NUP210: variants seen among roughly 807,000 people sequenced by gnomAD.
The protein encoded by NUP210 is nucleoporin 210, also known as nuclear pore membrane glycoprotein 210.
A neutral mutation model predicts 196.0 loss-of-function variants in NUP210; 151 were observed. The ratio of observed to expected loss-of-function variants is 0.77; its 90% CI spans 0.67 to 0.88. NUP210 has a LOEUF of 0.88. NUP210 is among the 40% of genes least tolerant of loss of function. The probability of loss-of-function intolerance (pLI) is 0.00; values close to 1 mark genes in which losing one functional copy is unlikely to be tolerated. For missense variants in NUP210, 2,314 were observed against 2,493.7 expected (o/e 0.93, Z 1.53); for synonymous variants, 1,070 against 1,052.7 (o/e 1.02, Z -0.32).
At chr3:13,375,988 G>A (rs540160527) in intron 10 of NUP210, among the ~76,000 whole-genome samples, 4 of 152,316 alleles carry the variant, frequency 2.6e-5, no homozygotes, top group South Asian at 2.1e-4. Context: ...AGTCACTGTC[G>A]GTGCATGGGC....
intron 39 of NUP210, 106 bp downstream of exon 39, chr3:13,318,966 G>T: frequency 8.8e-7 from 1 of 1,132,706 alleles, no homozygotes. Flanking sequence ...TTTGGCCCAG[G>T]CAAGGGCCTG....
At chr3:13,370,039 C>G (rs1698676064) in intron 13 of NUP210, among the ~76,000 whole-genome samples, 1 of 152,208 alleles carries the variant, frequency 6.6e-6, no homozygotes, top group Non-Finnish European at 1.5e-5. Context: ...GTTTCTTTAG[C>G]TGAGTAAGCT....
At chr3:13,345,524 A>G (rs1295263158) in intron 20 of NUP210, among the ~76,000 whole-genome samples, 1 of 152,206 alleles carries the variant, frequency 6.6e-6, no homozygotes. Context: ...AGAAGAGCCC[A>G]AGCCCACAGC....
intron 1 of NUP210, among the ~76,000 whole-genome samples, chr3:13,414,966 G>T (rs1700297974): frequency 6.6e-6 from 1 of 152,212 alleles, no homozygotes; most frequent in Non-Finnish European, 1.5e-5. Context: ...AGGTGGGTGT[G>T]GTGGCTCATG....
At chr3:13,367,546 C>A (rs1698582420) in intron 13 of NUP210, among the ~76,000 whole-genome samples, 1 of 152,200 alleles carries the variant, frequency 6.6e-6, no homozygotes. Flanking sequence ...AGAATATTAT[C>A]TGTACCCCCA....
chr3:13,324,873 C>T lies in NUP210; in HGVS notation c.4644+922G>A, dbSNP rs566675382. Reference sequence around the variant, plus strand: ...TGAGCACTGGCTATGAGCTGAGCACCACCCTAGGGGCTTCTGACGTGCTAA... The same window carrying T: ...TGAGCACTGGCTATGAGCTGAGCACTACCCTAGGGGCTTCTGACGTGCTAA... On this transcript the variant is annotated intron_variant, in intron 33 of 39. Transcript: ENST00000254508. Among the ~76,000 whole-genome samples, 7 of 152,342 alleles carry T rather than the reference C, an allele frequency of 4.6e-5. 1 individual carries two copies. The highest frequency in any genetic ancestry group is 4.6e-4 in the Admixed American group (7 of 15,302).
intron 28 of NUP210, among the ~76,000 whole-genome samples, chr3:13,335,035 G>A (rs1014658100): frequency 6.6e-6 from 1 of 152,232 alleles, no homozygotes; most frequent in Non-Finnish European, 1.5e-5. Context: ...GAGGACTGGA[G>A]GCAGCAATAC....
intron 9 of NUP210, among the ~76,000 whole-genome samples, chr3:13,376,816 G>A (rs1317840862): frequency 6.6e-6 from 1 of 152,140 alleles, no homozygotes; most frequent in Non-Finnish European, 1.5e-5. Context: ...TTGATAACAT[G>A]AGCAAAGCAA....
Position 13,347,020 on chromosome 3 carries a change from G to A in NUP210, c.2836-3717C>T, listed in dbSNP as rs1023260125. 1.0e-6 allele frequency: 1 copy of A among 985,268 alleles called. No homozygotes were observed. The highest frequency in any genetic ancestry group is 1.2e-6 in the Non-Finnish European group (1 of 829,906). The allele number at this position is 985,268 out of a possible 1,614,324, so 61.0% of individuals were successfully genotyped here. On this transcript the variant is annotated intron_variant, in intron 20 of 39. Coordinates refer to ENST00000254508, the MANE Select transcript of NUP210 (RefSeq NM_024923.4). This position sits in a 1 kb window ranked among gnomAD's most constrained non-coding sequence, Gnocchi z 4.7. The stretch of plus-strand genomic sequence containing the variant: ...TCCACAGATCAGTCTCAGGGAAAAG[G>A]TGGATGCACCTGACTTCAGGCCCTG...
intron 12 of NUP210, 145 bp from the exon 13 acceptor site, chr3:13,372,177 G>A (rs1304655745): frequency 1.4e-5 from 11 of 792,586 alleles, no homozygotes; most frequent in Non-Finnish European, 2.2e-5. Context: ...GTGATTCAGG[G>A]ACAGAGAGCA....
chr3:13,418,501 C>G (rs1700419169), intron 1 of NUP210, among the ~76,000 whole-genome samples: 1 of 152,142 alleles, frequency 6.6e-6, no homozygotes, highest in Non-Finnish European at 1.5e-5. Context: ...TTTTGGGAAG[C>G]TGAGGCAGGT....
intron 8 of NUP210, among the ~76,000 whole-genome samples, chr3:13,378,325 C>T (rs1447808674): frequency 6.6e-6 from 1 of 152,248 alleles, no homozygotes; most frequent in Non-Finnish European, 1.5e-5. Context: ...TGAGTCATCC[C>T]TGCCCTCCCA....
rs1447476258 is a variant in NUP210 at position 13,371,923 on chromosome 3, C to T, written c.1697G>A (p.Gly566Glu). 1 of 1,608,908 alleles carries T rather than the reference C, an allele frequency of 6.2e-7. No homozygotes were observed. ...PLRISGLMPG[G>E]ASEVVTLSDC... ...GCTCAAGGTGACCACCTCACTGGCC[C>T]CGCCGGGCATGAGGCCACTGATCCT... The change falls in exon 13 of 40, where the codon GGG becomes GAG. Residue 566 changes from glycine to glutamate, a missense_variant. Transcript: ENST00000254508.
At chr3:13,319,525 C>T (rs754617140) in intron 37 of NUP210, among the ~76,000 whole-genome samples, 200 bp from the exon 38 acceptor site, 3 of 119,282 alleles carry the variant, frequency 2.5e-5, no homozygotes, top group South Asian at 3.3e-4. Context: ...CTTCTCCTGG[C>T]GCAGGCTGCT....
At chr3:13,396,643 C>T (rs1239211094) in intron 3 of NUP210, among the ~76,000 whole-genome samples, 1 of 149,620 alleles carries the variant, frequency 6.7e-6, no homozygotes, top group Admixed American at 6.8e-5. Context: ...ACCTCTAATC[C>T]TAGCTACTTG....
intron 1 of NUP210, among the ~76,000 whole-genome samples, chr3:13,409,584 TG>T (rs769006421): frequency 2.6e-5 from 4 of 152,214 alleles, no homozygotes; most frequent in Non-Finnish European, 5.9e-5. Context: ...AACCCCCATT[TG>T]ATACATGAGG....
At chr3:13,321,024 G>A (rs1012825816) in intron 36 of NUP210, among the ~76,000 whole-genome samples, 2 of 152,248 alleles carry the variant, frequency 1.3e-5, no homozygotes, top group Admixed American at 1.3e-4. Context: ...AGCATTCCCT[G>A]CCTCTGCAGA....
intron 5 of NUP210, among the ~76,000 whole-genome samples, chr3:13,386,620 G>C (rs1209102668): frequency 6.6e-6 from 1 of 152,218 alleles, no homozygotes; most frequent in African/African-American, 2.4e-5. Context: ...GCATTACCCA[G>C]ACTGAGCCCT....
At chr3:13,352,019 G>T (rs1483575845) in intron 19 of NUP210, 39 bp from the exon 20 acceptor site, 1 of 1,602,902 alleles carries the variant, frequency 6.2e-7, no homozygotes, top group Non-Finnish European at 8.5e-7. Context: ...GGCCGCATGT[G>T]GGAGGGCGAG....
Sources: allele counts gnomAD v4.1 joint callset (sites outside exome capture counted in the v4.1 genomes callset), GRCh38; gene constraint gnomAD v4.1.1; non-coding constraint Gnocchi (gnomAD v3.1); transcripts MANE v1.5; gene names NCBI Gene and HGNC (gene_info 2026-07-23, HGNC 2026-07-21).